LAMA2: variants seen among roughly 807,000 people sequenced by gnomAD.
LAMA2 encodes laminin subunit alpha 2, also known as laminin subunit alpha-2.
A neutral mutation model predicts 364.8 loss-of-function variants in LAMA2; 269 were observed. That is an observed-to-expected ratio of 0.74 (90% CI 0.67 to 0.82). The LOEUF is 0.82. LAMA2 is among the 40% of genes least tolerant of loss of function. The pLI, the probability that LAMA2 is intolerant of heterozygous loss-of-function variation, is 0.00. For synonymous variants in LAMA2, 1,379 were observed against 1,370.6 expected (o/e 1.01, Z -0.14); for missense variants, 3,807 against 3,873.2 (o/e 0.98, Z 0.45).
At chr6:129,434,513 A>G (rs143904854) in intron 41 of LAMA2, among the ~76,000 whole-genome samples, 1 of 152,172 alleles carries the variant, frequency 6.6e-6, no homozygotes, top group African/African-American at 2.4e-5. Context: ...AGGAATAAGG[A>G]GAGGGAATCT....
rs191078576 is a variant in LAMA2 at position 129,395,000 on chromosome 6, G to A, written c.5445+1745G>A. Among the ~76,000 whole-genome samples the A allele has an allele frequency of 1.8e-4, 27 of 152,294 alleles. No individual in the cohort carries two copies. In the East Asian group the frequency reaches 5.0e-3, roughly 28 times the overall value. On this transcript the variant is annotated intron_variant, in intron 37 of 64. Coordinates refer to ENST00000421865, the MANE Select transcript of LAMA2 (RefSeq NM_000426.4). ...ACTGAATCAATATGAATAAGGCATA[G>A]ATTATTTATGGTTGCTTAAACCAAA... is the stretch of plus-strand genomic sequence containing the variant.
chr6:128,950,213 C>T (rs1270156682), intron 1 of LAMA2, among the ~76,000 whole-genome samples: 2 of 152,068 alleles, frequency 1.3e-5, no homozygotes, highest in African/African-American at 2.4e-5. Flanking sequence ...TTGTTCCATA[C>T]TGGAGAATGG....
intron 40 of LAMA2, among the ~76,000 whole-genome samples, chr6:129,426,566 ACAT>A (rs1260402167): frequency 6.6e-5 from 10 of 152,094 alleles, no homozygotes; most frequent in Admixed American, 6.6e-4. Flanking sequence ...CCAGCAGAAA[ACAT>A]CATCAGTTTT....
intron 3 of LAMA2, among the ~76,000 whole-genome samples, chr6:129,091,644 A>G (rs1485294370): frequency 6.6e-6 from 1 of 152,202 alleles, no homozygotes; most frequent in Non-Finnish European, 1.5e-5. Context: ...ACTATATGTG[A>G]AAGTATTTGA....
chr6:129,509,218 A>T (rs1035698403), intron 62 of LAMA2, among the ~76,000 whole-genome samples: 1 of 152,108 alleles, frequency 6.6e-6, no homozygotes, highest in African/African-American at 2.4e-5. Flanking sequence ...TTTTTCCTAT[A>T]GAATTGTTTG....
At chr6:129,154,320 G>T (rs1778979830) in intron 7 of LAMA2, among the ~76,000 whole-genome samples, 185 bp from the exon 8 acceptor site, 1 of 152,076 alleles carries the variant, frequency 6.6e-6, no homozygotes, top group Non-Finnish European at 1.5e-5. Context: ...GCTGAGACAG[G>T]AGGATTGCTT....
intron 9 of LAMA2, among the ~76,000 whole-genome samples, chr6:129,174,105 C>A (rs1490172526): frequency 1.3e-5 from 2 of 151,834 alleles, no homozygotes; most frequent in African/African-American, 4.8e-5. Context: ...TGATACCAAC[C>A]CATGATTATT....
chr6:128,883,233 C>G lies in LAMA2; in HGVS notation c.-13C>G. The G allele has an allele frequency of 6.5e-7, 1 of 1,548,686 alleles. No homozygotes were observed. The highest frequency in any genetic ancestry group is 8.7e-7 in the Non-Finnish European group (1 of 1,147,234). ...CTGGCTCCCGAGAAGTGGATCCGGT[C>G]GCGGCCACTACGATGCCGGGAGCCG... On this transcript the variant is annotated 5_prime_UTR_variant, in exon 1 of 65. Coordinates refer to ENST00000421865, the MANE Select transcript of LAMA2 (RefSeq NM_000426.4).
chr6:128,973,236 A>G (rs1224724124), intron 1 of LAMA2, among the ~76,000 whole-genome samples: 1 of 152,200 alleles, frequency 6.6e-6, no homozygotes, highest in Non-Finnish European at 1.5e-5. Flanking sequence ...AGCCCAGGAC[A>G]TTAGAGCTCA....
At chr6:129,363,899 T>C (rs1289772058) in intron 32 of LAMA2, among the ~76,000 whole-genome samples, 1 of 152,244 alleles carries the variant, frequency 6.6e-6, no homozygotes, top group African/African-American at 2.4e-5. Context: ...CTGTTGAAGT[T>C]TGCATTGAAC....
At chr6:128,948,359 T>A (rs757609583) in intron 1 of LAMA2, among the ~76,000 whole-genome samples, 34 of 152,114 alleles carry the variant, frequency 2.2e-4, no homozygotes, top group Non-Finnish European at 7.4e-5. Context: ...CACTTCCCAG[T>A]TTATGTATTT....
chr6:129,279,876 T>A (rs1375688728), intron 17 of LAMA2, among the ~76,000 whole-genome samples, 185 bp from the exon 18 acceptor site: 1 of 152,174 alleles, frequency 6.6e-6, no homozygotes. Flanking sequence ...TATTCACGTC[T>A]GCAGAAATAG....
chr6:129,433,290 C>T (rs535509092), intron 41 of LAMA2, among the ~76,000 whole-genome samples: 1 of 152,222 alleles, frequency 6.6e-6, no homozygotes, highest in South Asian at 2.1e-4. Context: ...GCAACCTTAT[C>T]AAATCAATTT....
At chr6:129,371,219 G>A (rs903248657) in intron 34 of LAMA2, among the ~76,000 whole-genome samples, 6 of 150,520 alleles carry the variant, frequency 4.0e-5, no homozygotes, top group African/African-American at 1.5e-4. Context: ...TATGAATGAG[G>A]CTCAATCTGT....
At chr6:129,369,498 C>T (rs1777950965) in intron 33 of LAMA2, among the ~76,000 whole-genome samples, 1 of 152,090 alleles carries the variant, frequency 6.6e-6, no homozygotes, top group South Asian at 2.1e-4. Context: ...GAATGGGAGC[C>T]TTAAATGGGC....
At chr6:129,466,981 T>C (rs1415518741) in intron 51 of LAMA2, among the ~76,000 whole-genome samples, 2 of 151,876 alleles carry the variant, frequency 1.3e-5, no homozygotes, top group Non-Finnish European at 2.9e-5. Context: ...CAATTTAGGA[T>C]GCTACGGAGT....
intron 1 of LAMA2, among the ~76,000 whole-genome samples, chr6:128,919,076 T>A (rs76740553): frequency 0.083 from 12,641 of 152,214 alleles, 990 homozygotes; most frequent in African/African-American, 0.21. Context: ...ACTCATGATG[T>A]TTCTCCTCTC....
At chr6:129,151,976 T>G (rs1437852574) in intron 7 of LAMA2, among the ~76,000 whole-genome samples, 2 of 152,212 alleles carry the variant, frequency 1.3e-5, no homozygotes, top group African/African-American at 4.8e-5. Context: ...CCCTAAAGTT[T>G]GAAACTCTCC....
chr6:129,301,639 T>C (rs1011109390), intron 22 of LAMA2, among the ~76,000 whole-genome samples: 1 of 152,132 alleles, frequency 6.6e-6, no homozygotes, highest in African/African-American at 2.4e-5. Flanking sequence ...ATAGGAATTA[T>C]AGGAGGAGGA....
Sources: gnomAD v4.1 joint callset for allele counts (sites outside exome capture counted in the v4.1 genomes callset) on GRCh38, gnomAD v4.1.1 for gene constraint, MANE v1.5 for transcripts, NCBI Gene and HGNC (gene_info 2026-07-23, HGNC 2026-07-21) for gene names.